The following GPAT4 variants were observed in gnomAD, a reference collection of about 807,000 sequenced individuals.
GPAT4 encodes the protein glycerol-3-phosphate acyltransferase 4, also known as 1-AGP acyltransferase 6.
In GPAT4, 17 loss-of-function variants were observed where a neutral mutation model predicts 58.0. The ratio of observed to expected loss-of-function variants is 0.29; its 90% CI spans 0.20 to 0.44. The LOEUF is 0.44. Ranked by LOEUF, GPAT4 falls within the 20% of genes least tolerant of loss-of-function variation. The pLI, the probability that GPAT4 is intolerant of heterozygous loss-of-function variation, is 1.00. For missense variants in GPAT4, 377 were observed against 574.5 expected (o/e 0.66, Z 3.51); for synonymous variants, 204 against 210.1 (o/e 0.97, Z 0.25).
Position 41,622,442 on chromosome 8 carries a change from TG to T in GPAT4, c.*1444del, listed in dbSNP as rs1563282443. On this transcript the variant is annotated 3_prime_UTR_variant, in exon 13 of 13. Transcript: ENST00000396987. The stretch of plus-strand genomic sequence containing the variant: ...CAGAGCCAAGGCCAAGCAGCCCCTG[TG>T]GGTTCTGGGGTTTCACCAGTTTCAT... 1 of 152,386 alleles carries T rather than the reference TG, an allele frequency of 6.6e-6. No homozygotes were observed. The highest frequency in any genetic ancestry group is 1.5e-5 in the Non-Finnish European group (1 of 68,152). 9.4% of individuals were successfully genotyped at this position (152,386 alleles called of 1,614,324 possible). A position where few individuals can be genotyped will look rare whatever the true frequency, so the allele number is the denominator to read the frequency against.
chr8:41,601,117 G>T (rs1803081711), intron 2 of GPAT4, among the ~76,000 whole-genome samples: 1 of 144,008 alleles, frequency 6.9e-6, no homozygotes, highest in Admixed American at 7.0e-5. Flanking sequence ...GTTTTTTTAA[G>T]AATATAATCT....
intron 1 of GPAT4, among the ~76,000 whole-genome samples, chr8:41,595,717 C>T (rs547309990): frequency 1.1e-4 from 16 of 152,174 alleles, no homozygotes; most frequent in South Asian, 4.2e-4. Flanking sequence ...TTAACTTTCT[C>T]TCTCTTTGAC....
intron 1 of GPAT4, among the ~76,000 whole-genome samples, chr8:41,595,685 GTA>G (rs1186455366): frequency 1.3e-5 from 2 of 151,970 alleles, no homozygotes; most frequent in Non-Finnish European, 2.9e-5. Context: ...TTAACTACTT[GTA>G]TATCTCTTTC....
intron 2 of GPAT4, 152 bp from the exon 3 acceptor site, chr8:41,609,264 A>T: frequency 1.3e-6 from 1 of 753,316 alleles, no homozygotes; most frequent in Non-Finnish European, 2.2e-6. Flanking sequence ...CTCTGGGGAG[A>T]GGTGGTTTGA....
chr8:41,582,630 A>T (rs1251733433), intron 1 of GPAT4, among the ~76,000 whole-genome samples: 1 of 151,996 alleles, frequency 6.6e-6, no homozygotes, highest in Admixed American at 6.6e-5. Context: ...AAAGAAATAG[A>T]TAAGGTTGAT....
At chr8:41,610,063 G>A (rs1170899584) in intron 4 of GPAT4, 108 bp downstream of exon 4, 1 of 1,506,772 alleles carries the variant, frequency 6.6e-7, no homozygotes, top group East Asian at 2.3e-5. Flanking sequence ...AGGAGGGAAT[G>A]ACTGTCGTTA....
chr8:41,604,195 A>T (rs1418516909), intron 2 of GPAT4, among the ~76,000 whole-genome samples: 1 of 152,152 alleles, frequency 6.6e-6, no homozygotes, highest in Non-Finnish European at 1.5e-5. Context: ...CTTCATAAAG[A>T]TCATTAAAAC....
At chr8:41,595,368 T>G (rs1802902861) in intron 1 of GPAT4, among the ~76,000 whole-genome samples, 1 of 146,646 alleles carries the variant, frequency 6.8e-6, no homozygotes, top group African/African-American at 2.5e-5. Context: ...AGGATATTTC[T>G]GAACTGGTGA....
At chr8:41,614,317 A>G in intron 8 of GPAT4, 69 bp from the exon 9 acceptor site, 2 of 1,329,900 alleles carry the variant, frequency 1.5e-6, no homozygotes, top group Non-Finnish European at 2.1e-6. Context: ...TAAATAGGTT[A>G]TTTATAAACA....
intron 9 of GPAT4, among the ~76,000 whole-genome samples, 186 bp downstream of exon 9, chr8:41,614,627 A>G (rs1377731319): frequency 6.6e-6 from 1 of 152,220 alleles, no homozygotes. Context: ...TGAACTAAGA[A>G]TGCCATAGTG....
chr8:41,599,087 G>C lies in GPAT4; in HGVS notation c.-53G>C. The C allele has an allele frequency of 6.4e-7, 1 of 1,566,440 alleles. No individual in the cohort carries two copies. The highest frequency in any genetic ancestry group is 2.3e-5 in the East Asian group (1 of 44,066). On this transcript the variant is annotated 5_prime_UTR_variant, in exon 2 of 13. Coordinates refer to ENST00000396987, the MANE Select transcript of GPAT4 (RefSeq NM_178819.4). ...TGCTGTCAGGAAGGACCATCTGAAG[G>C]CTGCAATTTGTTCTTAGGGAGGCAG... is the stretch of plus-strand genomic sequence containing the variant.
In GPAT4 at chr8:41,588,513, CTCT is replaced by C. The variant is rs532005118; in HGVS notation, c.-848-9774_-848-9772del. On this transcript the variant is annotated intron_variant, in intron 1 of 12. Coordinates refer to ENST00000396987, the MANE Select transcript of GPAT4 (RefSeq NM_178819.4). ...TTTCCTTTTCTCTCTTCTCTCTTTT[CTCT>C]TCTTTTCTTTTCCTTTTCCTTTCCT... Among the ~76,000 whole-genome samples the C allele has an allele frequency of 3.9e-3, 586 of 151,764 alleles. 1 individual carries two copies. The highest frequency in any genetic ancestry group is 0.034 in the Middle Eastern group (10 of 294).
At chr8:41,601,230 G>C (rs547736073) in intron 2 of GPAT4, among the ~76,000 whole-genome samples, 1 of 152,186 alleles carries the variant, frequency 6.6e-6, no homozygotes, top group South Asian at 2.1e-4. Flanking sequence ...CAAGCAGCTG[G>C]TTAGAAATGA....
chr8:41,593,546 T>C (rs1046742475), intron 1 of GPAT4, among the ~76,000 whole-genome samples: 3 of 152,186 alleles, frequency 2.0e-5, no homozygotes, highest in African/African-American at 7.2e-5. Flanking sequence ...CAGGTGTGAC[T>C]GGGACTATGG....
chr8:41,607,767 G>A (rs1333488628), intron 2 of GPAT4, among the ~76,000 whole-genome samples: 8 of 152,052 alleles, frequency 5.3e-5, no homozygotes, highest in African/African-American at 1.5e-4. Flanking sequence ...GGGCTCAAAC[G>A]ATCTTTCTGC....
At chr8:41,611,825 T>G in intron 5 of GPAT4, 78 bp from the exon 6 acceptor site, 15 of 1,377,536 alleles carry the variant, frequency 1.1e-5, no homozygotes, top group African/African-American at 2.8e-5. Flanking sequence ...AAAGGACTGC[T>G]GAGCTGTTGA....
intron 2 of GPAT4, 141 bp downstream of exon 2, chr8:41,599,445 A>G (rs1198322376): frequency 4.6e-5 from 47 of 1,011,142 alleles, no homozygotes; most frequent in Middle Eastern, 4.9e-4. Context: ...TTGAGTAAGA[A>G]GAATAACTAA....
chr8:41,601,820 T>C lies in GPAT4; in HGVS notation c.165+2516T>C, dbSNP rs572599553. The stretch of plus-strand genomic sequence containing the variant: ...ATTTAAAATGTACATCCCTATGACT[T>C]TTAATGTAGATTATGATACAATGGA... On this transcript the variant is annotated intron_variant, in intron 2 of 12. Coordinates refer to ENST00000396987, the MANE Select transcript of GPAT4 (RefSeq NM_178819.4). 2.6e-5 allele frequency among the ~76,000 whole-genome samples: 4 copies of C among 152,378 alleles called. No homozygotes were observed. The South Asian group carries it at 8.3e-4, about 32-fold the overall frequency.
rs1802712050 is a variant in GPAT4, at chr8:41,588,522, TCTTTTC to T, written c.-848-9759_-848-9754del. 3.3e-5 allele frequency among the ~76,000 whole-genome samples: 5 copies of T among 152,336 alleles called. No individual in the cohort carries two copies. The South Asian group carries it at 1.0e-3, about 32-fold the overall frequency. On this transcript the variant is annotated intron_variant, in intron 1 of 12. Transcript: ENST00000396987. ...CTCTCTTCTCTCTTTTCTCTTCTTTTCTTTTCCTTTTCCTTTCCTTCTGTTTTGTTT... is the reference window on the plus strand; with the variant it reads ...CTCTCTTCTCTCTTTTCTCTTCTTTTCTTTTCCTTTCCTTCTGTTTTGTTT...
Sources: allele counts gnomAD v4.1 joint callset (sites outside exome capture counted in the v4.1 genomes callset), GRCh38; gene constraint gnomAD v4.1.1; transcripts MANE v1.5; gene names NCBI Gene and HGNC (gene_info 2026-07-23, HGNC 2026-07-21).